The following ZNF277 variants were observed in gnomAD, a reference collection of about 807,000 sequenced individuals.
ZNF277 encodes the protein nuclear receptor-interacting factor 4.
Under a neutral mutation model 60.7 loss-of-function variants are expected in ZNF277, and 55 were observed. That is an observed-to-expected ratio of 0.91 (90% CI 0.73 to 1.13). The LOEUF is 1.13. Among genes scored for constraint, ZNF277 ranks in the 50% most tolerant of loss-of-function variants. The probability of loss-of-function intolerance (pLI) is 0.00; values close to 1 mark genes in which losing one functional copy is unlikely to be tolerated. For missense variants in ZNF277, 510 were observed against 523.0 expected (o/e 0.98, Z 0.24); for synonymous variants, 178 against 179.3 (o/e 0.99, Z 0.06).
intron 2 of ZNF277, among the ~76,000 whole-genome samples, chr7:112,293,449 C>T (rs533283788): frequency 6.6e-6 from 1 of 151,808 alleles, no homozygotes; most frequent in African/African-American, 2.4e-5. Context: ...CATGGTGGTG[C>T]GTGCCTATAG....
chr7:112,330,740 C>G (rs1315710772), intron 7 of ZNF277, among the ~76,000 whole-genome samples: 2 of 151,682 alleles, frequency 1.3e-5, no homozygotes, highest in Non-Finnish European at 2.9e-5. Flanking sequence ...GATTACACCA[C>G]ACTTGGCTAA....
chr7:112,330,548 C>CTTCTTTTTT (rs1793204568), intron 7 of ZNF277: 1 of 108,054 alleles, frequency 9.3e-6, no homozygotes, highest in African/African-American at 3.6e-5. Context: ...AGACTCCTTT[C>CTTCTTTTTT]TTTTTTTTTT....
chr7:112,289,507 T>A (rs1792155867), intron 2 of ZNF277, among the ~76,000 whole-genome samples: 1 of 152,254 alleles, frequency 6.6e-6, no homozygotes. Flanking sequence ...CTGCTCCTCA[T>A]TATCATTTGT....
intron 1 of ZNF277, among the ~76,000 whole-genome samples, chr7:112,283,265 C>T (rs892731543): frequency 5.3e-5 from 8 of 152,182 alleles, no homozygotes; most frequent in Non-Finnish European, 1.0e-4. Flanking sequence ...CCGTGGCTAA[C>T]GCCTATAATC....
At chr7:112,247,478 G>A (rs1345013462) in intron 1 of ZNF277, among the ~76,000 whole-genome samples, 2 of 152,156 alleles carry the variant, frequency 1.3e-5, no homozygotes, top group Middle Eastern at 3.2e-3. Context: ...TAGAGTGTTG[G>A]AATTCTCAGA....
intron 1 of ZNF277, among the ~76,000 whole-genome samples, chr7:112,250,527 CA>C (rs1791181352): frequency 6.6e-6 from 1 of 152,148 alleles, no homozygotes; most frequent in African/African-American, 2.4e-5. Context: ...TGTGGGGCAT[CA>C]CAGAACCTAC....
chr7:112,339,310 G>A (rs1472289253), intron 9 of ZNF277, among the ~76,000 whole-genome samples: 1 of 152,190 alleles, frequency 6.6e-6, no homozygotes, highest in Non-Finnish European at 1.5e-5. Context: ...TAAGCTATGA[G>A]CAATTATAAT....
At chr7:112,253,561 A>T (rs1436408839) in intron 1 of ZNF277, among the ~76,000 whole-genome samples, 1 of 151,874 alleles carries the variant, frequency 6.6e-6, no homozygotes, top group Non-Finnish European at 1.5e-5. Context: ...CCTGAACTAT[A>T]TTTTTTTACC....
At chr7:112,333,558 C>T (rs1793270975) in intron 7 of ZNF277, among the ~76,000 whole-genome samples, 1 of 152,136 alleles carries the variant, frequency 6.6e-6, no homozygotes, top group Non-Finnish European at 1.5e-5. Flanking sequence ...TCTGCCAGCG[C>T]AACAATGATG....
At chr7:112,238,795 TA>T in intron 1 of ZNF277, among the ~76,000 whole-genome samples, 1 of 146,786 alleles carries the variant, frequency 6.8e-6, no homozygotes. Context: ...ATTTTTTACT[TA>T]ATTTTTTTTT....
At chr7:112,296,039 A>G in intron 3 of ZNF277, 82 bp downstream of exon 3, 1 of 1,172,394 alleles carries the variant, frequency 8.5e-7, no homozygotes, top group Non-Finnish European at 1.3e-6. Flanking sequence ...TATTAGAATT[A>G]CTTTTACTTT....
chr7:112,340,584 G>A (rs1206454799), intron 10 of ZNF277, among the ~76,000 whole-genome samples: 1 of 152,072 alleles, frequency 6.6e-6, no homozygotes, highest in Non-Finnish European at 1.5e-5. Flanking sequence ...CTATCTATGC[G>A]ATGCTAGGCA....
At chr7:112,227,290 A>G (rs1342424705) in intron 1 of ZNF277, among the ~76,000 whole-genome samples, 7 of 152,186 alleles carry the variant, frequency 4.6e-5, no homozygotes. Flanking sequence ...TTTTAAAGTT[A>G]TGTAAAAAGA....
At chr7:112,278,397 C>A (rs1398850240) in intron 1 of ZNF277, among the ~76,000 whole-genome samples, 1 of 152,070 alleles carries the variant, frequency 6.6e-6, no homozygotes, top group African/African-American at 2.4e-5. Flanking sequence ...TTAATTAATC[C>A]ATAGGAATTG....
chr7:112,264,644 A>T (rs888428120), intron 1 of ZNF277, among the ~76,000 whole-genome samples: 4 of 152,202 alleles, frequency 2.6e-5, no homozygotes, highest in Non-Finnish European at 2.9e-5. Context: ...AAATTTTAAT[A>T]AAAATATATG....
intron 4 of ZNF277, among the ~76,000 whole-genome samples, chr7:112,306,786 T>A (rs1161616997): frequency 6.6e-6 from 1 of 152,034 alleles, no homozygotes; most frequent in Non-Finnish European, 1.5e-5. Context: ...TTTTTTAATA[T>A]TTAAATCTTT....
chr7:112,264,368 T>C (rs1392480185), intron 1 of ZNF277, among the ~76,000 whole-genome samples: 1 of 152,168 alleles, frequency 6.6e-6, no homozygotes, highest in Non-Finnish European at 1.5e-5. Flanking sequence ...ATTCTACTTC[T>C]AATAATTTGT....
intron 5 of ZNF277, among the ~76,000 whole-genome samples, chr7:112,321,483 G>A (rs1476889118): frequency 1.3e-5 from 2 of 151,892 alleles, no homozygotes; most frequent in African/African-American, 2.4e-5. Flanking sequence ...TTTCATATCA[G>A]ATATGAGAAG....
chr7:112,244,482 G>A (rs1039333805), intron 1 of ZNF277, among the ~76,000 whole-genome samples: 7 of 151,884 alleles, frequency 4.6e-5, no homozygotes, highest in Non-Finnish European at 7.4e-5. Context: ...AATTTAAATC[G>A]CATATACTTA....
Sources: gnomAD v4.1 joint callset for allele counts (sites outside exome capture counted in the v4.1 genomes callset) on GRCh38, gnomAD v4.1.1 for gene constraint, MANE v1.5 for transcripts, NCBI Gene and HGNC (gene_info 2026-07-23, HGNC 2026-07-21) for gene names.